The following RGPD1 variants were observed in gnomAD, a reference collection of about 807,000 sequenced individuals.
The protein encoded by RGPD1 is RANBP2 like and GRIP domain containing 1, also known as RANBP2-like and GRIP domain-containing protein 1.
In RGPD1, 7 loss-of-function variants were observed where a neutral mutation model predicts 40.6. That is an observed-to-expected ratio of 0.17 (90% CI 0.10 to 0.32). RGPD1 has a LOEUF of 0.32. RGPD1 is among the 10% of genes least tolerant of loss of function. The probability of loss-of-function intolerance (pLI) is 1.00; values close to 1 mark genes in which losing one functional copy is unlikely to be tolerated. For synonymous variants in RGPD1, 24 were observed against 167.0 expected (o/e 0.14, Z 6.60); for missense variants, 50 against 472.5 (o/e 0.11, Z 8.29).
upstream of RGPD1, chr2:86,913,763 C>T (rs1677554835): frequency 2.1e-6 from 3 of 1,404,590 alleles, no homozygotes; most frequent in Admixed American, 2.2e-5. Flanking sequence ...ACGTCAGTGG[C>T]TTTCAGGCGC....
chr2:86,944,501 C>G (rs1028441179), intron 1 of RGPD1, among the ~76,000 whole-genome samples: 2 of 151,924 alleles, frequency 1.3e-5, no homozygotes, highest in Non-Finnish European at 2.9e-5. Flanking sequence ...CTCCCCAGCT[C>G]AAGCGATCCT....
intron 1 of RGPD1, among the ~76,000 whole-genome samples, chr2:86,924,899 CT>C (rs1305525972): frequency 1.3e-5 from 2 of 150,582 alleles, no homozygotes; most frequent in African/African-American, 4.8e-5. Flanking sequence ...AGGAGGACTG[CT>C]TCAGCCCAGG....
intron 1 of RGPD1, among the ~76,000 whole-genome samples, chr2:86,918,348 C>G (rs1368762193): frequency 6.7e-6 from 1 of 148,930 alleles, no homozygotes; most frequent in Non-Finnish European, 1.5e-5. Context: ...CCCAGGACAA[C>G]TTTGCCTGGG....
At chr2:86,925,864 C>G (rs1250332481) in intron 1 of RGPD1, among the ~76,000 whole-genome samples, 2 of 152,144 alleles carry the variant, frequency 1.3e-5, no homozygotes, top group Admixed American at 1.3e-4. Flanking sequence ...GCCACCACGC[C>G]TGGCCTTGTA....
intron 1 of RGPD1, among the ~76,000 whole-genome samples, chr2:86,915,132 C>T (rs1438811187): frequency 6.7e-6 from 1 of 149,892 alleles, no homozygotes; most frequent in Non-Finnish European, 1.5e-5. Flanking sequence ...CCTTTCTCTA[C>T]TGAAAATACA....
chr2:86,913,664 C>G (rs889949605), upstream of RGPD1: 10 of 1,237,836 alleles, frequency 8.1e-6, no homozygotes, highest in Admixed American at 1.6e-4. Context: ...GCCAAGAGCC[C>G]GGCCGAGTGC....
Position 86,962,532 on chromosome 2 carries a change from A to AC in RGPD1, c.780-497_780-496insC, listed in dbSNP as rs1202907170. Among the ~76,000 whole-genome samples, 328 of 119,748 alleles carry AC rather than the reference A, an allele frequency of 2.7e-3. 14 individuals carry two copies. Among genetic ancestry groups the AC allele is most frequent in the South Asian group, 7.8e-3 (32 of 4,092 alleles). The allele number at this position is 119,748 out of a possible 152,430, so 78.6% of individuals were successfully genotyped here. A position where few individuals can be genotyped will look rare whatever the true frequency, so the allele number is the denominator to read the frequency against. On this transcript the variant is annotated intron_variant, in intron 6 of 22. Coordinates refer to ENST00000641458, the MANE Select transcript of RGPD1 (RefSeq NM_001382344.1). ...CAAAAAAAAAAAAAAAAAAAAAAAA[A>AC]AGACAATTTATTTAACGCTGTAATG...
intron 1 of RGPD1, among the ~76,000 whole-genome samples, chr2:86,945,334 G>A (rs1347339143): frequency 6.6e-6 from 1 of 152,066 alleles, no homozygotes; most frequent in East Asian, 1.9e-4. Context: ...AACATGTGAA[G>A]CTATTCTGTA....
At chr2:87,007,732 G>T (rs1328653915) in intron 22 of RGPD1, among the ~76,000 whole-genome samples, 7 of 152,234 alleles carry the variant, frequency 4.6e-5, no homozygotes, top group Admixed American at 3.3e-4. Context: ...GATTCCTTTT[G>T]TAATGTATTA....
intron 1 of RGPD1, among the ~76,000 whole-genome samples, chr2:86,943,569 G>C (rs531190950): frequency 5.9e-5 from 9 of 152,162 alleles, no homozygotes; most frequent in African/African-American, 2.2e-4. Flanking sequence ...TATAAGCTGG[G>C]TATTTGGGGC....
intron 6 of RGPD1, among the ~76,000 whole-genome samples, chr2:86,960,880 C>T (rs1417736080): frequency 1.4e-4 from 4 of 28,422 alleles, no homozygotes; most frequent in Non-Finnish European, 2.3e-4. Context: ...TGAGCCACCG[C>T]GCCCGGCTGG....
intron 1 of RGPD1, chr2:86,914,042 CGGCGGCGG>C (rs1677591171): frequency 2.1e-5 from 1 of 47,936 alleles, no homozygotes; most frequent in Admixed American, 3.0e-4. Flanking sequence ...GCGGCGGCGG[CGGCGGCGG>C]CGGCGGCCTC....
At chr2:86,923,298 C>G (rs1348788601) in intron 1 of RGPD1, among the ~76,000 whole-genome samples, 3 of 151,614 alleles carry the variant, frequency 2.0e-5, no homozygotes, top group Non-Finnish European at 4.4e-5. Context: ...CCTTGGTGTC[C>G]CAAAGTGCTG....
chr2:87,008,811 C>T (rs1253693103), intron 22 of RGPD1, among the ~76,000 whole-genome samples: 5 of 54,260 alleles, frequency 9.2e-5, no homozygotes, highest in Non-Finnish European at 1.0e-4. Context: ...TGAAGAATGC[C>T]TTTGATGGGT....
chr2:86,947,974 AAGT>A (rs772523748), intron 1 of RGPD1, among the ~76,000 whole-genome samples: 2 of 80,870 alleles, frequency 2.5e-5, no homozygotes, highest in Non-Finnish European at 5.0e-5. Context: ...CATAATGAAA[AAGT>A]AGGCCACAAA....
At position 87,010,874 on chromosome 2, in the gene RGPD1, C is replaced by T. The variant is rs1215462236; in HGVS notation, c.5237-1639C>T. Among the ~76,000 whole-genome samples, 2 of 82,082 alleles carry T rather than the reference C, an allele frequency of 2.4e-5. 1 individual carries two copies. The highest frequency in any genetic ancestry group is 4.5e-5 in the Non-Finnish European group (2 of 44,222). The allele number at this position is 82,082 out of a possible 152,430, so 53.8% of individuals were successfully genotyped here. A position where few individuals can be genotyped will look rare whatever the true frequency, so the allele number is the denominator to read the frequency against. Reference sequence around the variant, plus strand: ...TGAGCTGAGATCGCACCATTGCACTCTAGCCTGGGCAATGAGAGCAAAATT... The same window carrying T: ...TGAGCTGAGATCGCACCATTGCACTTTAGCCTGGGCAATGAGAGCAAAATT... On this transcript the variant is annotated intron_variant, in intron 22 of 22. Transcript: ENST00000641458.
intron 1 of RGPD1, chr2:86,913,928 G>A (rs1328839500): frequency 1.4e-6 from 2 of 1,474,300 alleles, no homozygotes; most frequent in Non-Finnish European, 9.0e-7. Context: ...AAAGGTGAGT[G>A]GATCTCGAAG....
At chr2:86,935,746 C>CA (rs942636013) in intron 1 of RGPD1, among the ~76,000 whole-genome samples, 2 of 123,786 alleles carry the variant, frequency 1.6e-5, no homozygotes, top group Admixed American at 8.1e-5. Flanking sequence ...TAAAATGTCT[C>CA]AAAAAAAAGC....
intron 1 of RGPD1, among the ~76,000 whole-genome samples, chr2:86,919,029 G>T (rs1232196930): frequency 9.3e-4 from 27 of 28,986 alleles, no homozygotes; most frequent in East Asian, 3.3e-3. Flanking sequence ...TTCGTTATTG[G>T]AATTTATAAA....
Sources: allele counts gnomAD v4.1 joint callset (sites outside exome capture counted in the v4.1 genomes callset), GRCh38; gene constraint gnomAD v4.1.1; transcripts MANE v1.5; gene names NCBI Gene and HGNC (gene_info 2026-07-23, HGNC 2026-07-21).